Variants in MED26 observed in about 807,000 individuals in gnomAD.
The protein encoded by MED26 is mediator of RNA polymerase II transcription subunit 26.
A neutral mutation model predicts 43.7 loss-of-function variants in MED26; 7 were observed. The ratio of observed to expected loss-of-function variants is 0.16; its 90% CI spans 0.09 to 0.30. The LOEUF (loss-of-function observed/expected upper bound fraction) is 0.30. Among genes scored for constraint, MED26 ranks in the 10% least tolerant of loss-of-function variants. The probability of loss-of-function intolerance (pLI) is 1.00; values close to 1 mark genes in which losing one functional copy is unlikely to be tolerated. For missense variants in MED26, 784 were observed against 840.6 expected (o/e 0.93, Z 0.83); for synonymous variants, 375 against 371.1 (o/e 1.01, Z -0.12).
In MED26 at chr19:16,598,555, A is replaced by C. The variant is rs188146164; in HGVS notation, c.73-20146T>G. On this transcript the variant is annotated intron_variant, in intron 1 of 2. Transcript: ENST00000263390. Reference sequence around the variant, plus strand: ...GGTGGCATGAACTGCCCCACTTGGCATCCAGTACTGTTCCCTCCCAGCAAC... The same window carrying C: ...GGTGGCATGAACTGCCCCACTTGGCCTCCAGTACTGTTCCCTCCCAGCAAC... Among the ~76,000 whole-genome samples the C allele has an allele frequency of 1.4e-4, 21 of 152,174 alleles. No individual in the cohort carries two copies. The East Asian group carries it at 2.1e-3, about 15-fold the overall frequency.
Position 16,616,774 on chromosome 19 carries a change from C to T in MED26, c.72+11098G>A, listed in dbSNP as rs546238967. ...TGAGCAGTGCTACACAAAGCCAAAA[C>T]GCTTAGGGGGAGCAGGCACCACTGG... On this transcript the variant is annotated intron_variant, in intron 1 of 2. Transcript: ENST00000263390. Among the ~76,000 whole-genome samples, 9 of 152,184 alleles carry T rather than the reference C, an allele frequency of 5.9e-5. No individual in the cohort carries two copies. The East Asian group carries it at 7.7e-4, about 13-fold the overall frequency.
chr19:16,623,362 C>T (rs2086259869), intron 1 of MED26, among the ~76,000 whole-genome samples: 1 of 152,188 alleles, frequency 6.6e-6, no homozygotes, highest in African/African-American at 2.4e-5. Context: ...GTTTAGGGTC[C>T]TCTACTATTT....
chr19:16,627,386 G>A (rs1261576619), intron 1 of MED26, among the ~76,000 whole-genome samples: 1 of 152,212 alleles, frequency 6.6e-6, no homozygotes, highest in East Asian at 1.9e-4. Context: ...GCTGCCAGCC[G>A]AGAGGAGGGG....
intron 1 of MED26, among the ~76,000 whole-genome samples, chr19:16,608,028 C>CCAAGGGGCACCAGGGCCCTGGTGGG (rs1368061268): frequency 6.6e-6 from 1 of 152,246 alleles, no homozygotes. Flanking sequence ...GGCAAGCAGG[C>CCAAGGGGCACCAGGGCCCTGGTGGG]CAAGGGGCAC....
intron 1 of MED26, chr19:16,611,894 A>T (rs1328287682): frequency 6.6e-6 from 1 of 152,212 alleles, no homozygotes; most frequent in Admixed American, 6.5e-5. Context: ...TCCTTGCCTC[A>T]AGCGATCCTG....
chr19:16,603,567 A>C (rs984896840), intron 1 of MED26, among the ~76,000 whole-genome samples: 2 of 152,092 alleles, frequency 1.3e-5, no homozygotes, highest in Non-Finnish European at 2.9e-5. Flanking sequence ...TGCAGGAGCT[A>C]TGGGAAGATC....
intron 1 of MED26, among the ~76,000 whole-genome samples, chr19:16,605,964 A>T (rs1279319144): frequency 6.6e-6 from 1 of 152,250 alleles, no homozygotes; most frequent in Non-Finnish European, 1.5e-5. Flanking sequence ...CGTGCATGGC[A>T]AATCTGTCAT....
At chr19:16,619,663 T>C (rs2086242528) in intron 1 of MED26, among the ~76,000 whole-genome samples, 2 of 152,014 alleles carry the variant, frequency 1.3e-5, no homozygotes, top group Admixed American at 6.6e-5. Flanking sequence ...GTGTGGGCCA[T>C]GGGTCACACC....
chr19:16,606,093 G>A (rs567818664), intron 1 of MED26, among the ~76,000 whole-genome samples: 1 of 152,172 alleles, frequency 6.6e-6, no homozygotes, highest in Non-Finnish European at 1.5e-5. Flanking sequence ...GCTCTACCTC[G>A]CCCTTAGCGG....
intron 1 of MED26, among the ~76,000 whole-genome samples, chr19:16,625,054 G>A (rs948265515): frequency 6.6e-6 from 1 of 152,208 alleles, no homozygotes; most frequent in African/African-American, 2.4e-5. Flanking sequence ...TACCCACAAT[G>A]CAGTGAGAGT....
chr19:16,597,342 T>A (rs2086125082), intron 1 of MED26: 2 of 398,406 alleles, frequency 5.0e-6, no homozygotes, highest in African/African-American at 4.1e-5. Flanking sequence ...TACTGTTATA[T>A]ACCAGATCCC....
chr19:16,626,711 G>C (rs1299026388), intron 1 of MED26, among the ~76,000 whole-genome samples: 1 of 152,166 alleles, frequency 6.6e-6, no homozygotes, highest in Non-Finnish European at 1.5e-5. Flanking sequence ...AGAAACCTGA[G>C]TTACCTGGCC....
intron 1 of MED26, among the ~76,000 whole-genome samples, chr19:16,600,740 G>A (rs1599340413): frequency 6.6e-6 from 1 of 152,136 alleles, no homozygotes; most frequent in East Asian, 1.9e-4. Flanking sequence ...GCTGAAGATG[G>A]ACTAGGAAGA....
rs1053485385 is a variant in MED26, at chr19:16,587,113, AC to A, written c.73-8705del. The A allele has an allele frequency of 2.1e-5, 3 of 144,920 alleles. No homozygotes were observed. The highest frequency in any genetic ancestry group is 6.9e-5 in the Admixed American group (1 of 14,528). The allele number at this position is 144,920 out of a possible 1,614,324, so 9.0% of individuals were successfully genotyped here. A position where few individuals can be genotyped will look rare whatever the true frequency, so the allele number is the denominator to read the frequency against. ...CGTCCGCGGCTGAGTCACCTCGCCC[AC>A]CCCCCAACCCCCAACACACAGTCGT... On this transcript the variant is annotated intron_variant, in intron 1 of 2. Coordinates refer to ENST00000263390, the MANE Select transcript of MED26 (RefSeq NM_004831.5). This position sits in a 1 kb window ranked among gnomAD's most constrained non-coding sequence, Gnocchi z 4.9.
chr19:16,584,333 C>CA (rs920564969), intron 1 of MED26, among the ~76,000 whole-genome samples: 185 of 142,978 alleles, frequency 1.3e-3, no homozygotes, highest in African/African-American at 4.6e-3. Context: ...AAAAACAAAA[C>CA]AAAAAAAAGA....
At chr19:16,607,394 A>G (rs1008298245) in intron 1 of MED26, among the ~76,000 whole-genome samples, 2 of 151,622 alleles carry the variant, frequency 1.3e-5, no homozygotes, top group Non-Finnish European at 2.9e-5. Context: ...AAAAAAAAAA[A>G]AGGAGCATGT....
chr19:16,615,511 C>A (rs2086221377), intron 1 of MED26, among the ~76,000 whole-genome samples: 1 of 152,182 alleles, frequency 6.6e-6, no homozygotes, highest in African/African-American at 2.4e-5. Context: ...CTTTGGGAGG[C>A]CAAGGTGGGT....
intron 1 of MED26, among the ~76,000 whole-genome samples, chr19:16,594,651 G>A (rs2086112391): frequency 6.6e-6 from 1 of 151,936 alleles, no homozygotes; most frequent in Non-Finnish European, 1.5e-5. Flanking sequence ...AGATGAAGAA[G>A]GGGGAAAAAA....
At chr19:16,599,129 G>C (rs1209919808) in intron 1 of MED26, among the ~76,000 whole-genome samples, 2 of 152,148 alleles carry the variant, frequency 1.3e-5, no homozygotes, top group African/African-American at 4.8e-5. Flanking sequence ...AGATGCCATC[G>C]AATCATTTTG....
Sources: allele counts gnomAD v4.1 joint callset (sites outside exome capture counted in the v4.1 genomes callset), GRCh38; gene constraint gnomAD v4.1.1; non-coding constraint Gnocchi (gnomAD v3.1); transcripts MANE v1.5; gene names NCBI Gene and HGNC (gene_info 2026-07-23, HGNC 2026-07-21).